LNPEP: variants seen among roughly 807,000 people sequenced by gnomAD.
LNPEP encodes the protein leucyl-cystinyl aminopeptidase.
Under a neutral mutation model 120.6 loss-of-function variants are expected in LNPEP, and 64 were observed. That is an observed-to-expected ratio of 0.53 (90% CI 0.43 to 0.65). The LOEUF (loss-of-function observed/expected upper bound fraction) is 0.65. Ranked by LOEUF, LNPEP falls within the 30% of genes least tolerant of loss-of-function variation. The pLI is 0.00. For synonymous variants in LNPEP, 435 were observed against 425.4 expected (o/e 1.02, Z -0.28); for missense variants, 1,057 against 1,200.0 (o/e 0.88, Z 1.76).
intron 8 of LNPEP, among the ~76,000 whole-genome samples, chr5:97,000,396 G>A (rs1211213619): frequency 1.3e-5 from 2 of 152,162 alleles, no homozygotes; most frequent in African/African-American, 4.8e-5. Flanking sequence ...CTGCTTGCAA[G>A]GTTGGCCCTT....
At chr5:97,005,659 G>A (rs1183159412) in intron 9 of LNPEP, among the ~76,000 whole-genome samples, 1 of 152,194 alleles carries the variant, frequency 6.6e-6, no homozygotes, top group African/African-American at 2.4e-5. Context: ...GGATTGAGTA[G>A]CAGTGTTTCT....
At position 96,979,205 on chromosome 5, in the gene LNPEP, T is replaced by C. The variant is rs1348740429; in HGVS notation, c.87T>C (p.Asp29=). 6.2e-7 allele frequency: 1 copy of C among 1,613,862 alleles called. No individual in the cohort carries two copies. Among genetic ancestry groups the C allele is most frequent in the Admixed American group, 1.7e-5 (1 of 59,994 alleles). ...SMFEEEPDVV[D]LAKEPCLHPL... is the part of the protein sequence containing the mutation. ...TTGAGGAAGAACCAGATGTGGTGGA[T>C]TTAGCCAAAGAGCCTTGTTTACATC... The change falls in exon 2 of 18, where the codon GAT becomes GAC. Residue 29 remains aspartate (D), a synonymous_variant. Coordinates refer to ENST00000231368, the MANE Select transcript of LNPEP (RefSeq NM_005575.3).
chr5:97,024,420 A>G (rs1791289371), intron 14 of LNPEP, 101 bp from the exon 15 acceptor site: 1 of 1,086,724 alleles, frequency 9.2e-7, no homozygotes, highest in Admixed American at 2.2e-5. Context: ...ACTTGTTATT[A>G]TTACCAACCC....
intron 8 of LNPEP, among the ~76,000 whole-genome samples, chr5:96,998,346 AG>A (rs1401060051): frequency 2.6e-5 from 4 of 152,074 alleles, no homozygotes; most frequent in Non-Finnish European, 5.9e-5. Context: ...CTCTAACTTA[AG>A]TTGTATGACT....
rs888368645 is a variant in LNPEP at position 97,031,048 on chromosome 5, G to T, written c.*2515G>T. On this transcript the variant is annotated 3_prime_UTR_variant, in exon 18 of 18. Coordinates refer to ENST00000231368, the MANE Select transcript of LNPEP (RefSeq NM_005575.3). ...TAGCCAGTGTATTTCTGAGAACTCA[G>T]ACTGAAGCACAGAAGTCACAGTATG... The T allele has an allele frequency of 2.6e-5, 4 of 152,022 alleles. No homozygotes were observed. The East Asian group carries it at 7.7e-4, about 29-fold the overall frequency. 9.4% of individuals were successfully genotyped at this position (152,022 alleles called of 1,614,324 possible).
intron 4 of LNPEP, among the ~76,000 whole-genome samples, chr5:96,991,901 T>C (rs1305749754): frequency 6.6e-6 from 1 of 152,228 alleles, no homozygotes; most frequent in Non-Finnish European, 1.5e-5. Context: ...TTCCAAATTA[T>C]GAATTGTTCA....
intron 4 of LNPEP, among the ~76,000 whole-genome samples, chr5:96,990,686 A>G (rs900813913): frequency 1.3e-5 from 2 of 152,192 alleles, no homozygotes; most frequent in African/African-American, 4.8e-5. Flanking sequence ...AAGGTTAACT[A>G]GCCTGCTTAA....
At chr5:96,952,456 G>C (rs769292349) in intron 1 of LNPEP, among the ~76,000 whole-genome samples, 2 of 152,160 alleles carry the variant, frequency 1.3e-5, no homozygotes, top group African/African-American at 4.8e-5. Context: ...TTAATCTTGC[G>C]TTTTTCAGGA....
intron 1 of LNPEP, among the ~76,000 whole-genome samples, chr5:96,976,921 A>G (rs972387204): frequency 2.3e-5 from 1 of 44,084 alleles, no homozygotes; most frequent in Admixed American, 3.2e-4. Flanking sequence ...TCAAAACAGA[A>G]CATACTTTTT....
chr5:96,963,855 A>G (rs1353861337), intron 1 of LNPEP, among the ~76,000 whole-genome samples: 3 of 152,184 alleles, frequency 2.0e-5, no homozygotes, highest in African/African-American at 7.2e-5. Context: ...GTAAGGTAGT[A>G]TATTGATCAC....
At chr5:97,005,350 C>A (rs1790754353) in intron 9 of LNPEP, among the ~76,000 whole-genome samples, 1 of 152,064 alleles carries the variant, frequency 6.6e-6, no homozygotes, top group Non-Finnish European at 1.5e-5. Context: ...AAAATTGCTT[C>A]TTAGTTATTG....
At chr5:96,946,325 CA>C (rs1789185645) in intron 1 of LNPEP, among the ~76,000 whole-genome samples, 1 of 152,190 alleles carries the variant, frequency 6.6e-6, no homozygotes, top group Admixed American at 6.5e-5. Context: ...GGCTTGGTAG[CA>C]TTCCACTTGT....
intron 1 of LNPEP, among the ~76,000 whole-genome samples, chr5:96,974,902 T>G (rs1343455081): frequency 1.3e-5 from 2 of 152,112 alleles, no homozygotes; most frequent in African/African-American, 2.4e-5. Flanking sequence ...GCTGACCTTC[T>G]TCCTCTGGCC....
At chr5:96,964,359 A>G (rs1486128643) in intron 1 of LNPEP, among the ~76,000 whole-genome samples, 3 of 151,686 alleles carry the variant, frequency 2.0e-5, no homozygotes, top group African/African-American at 4.8e-5. Context: ...AAAATAAAAT[A>G]TAGATAATAT....
Position 97,028,691 on chromosome 5 carries a change from C to A in LNPEP, c.*158C>A. ...TCAGGGCCTGACTGTATTTTTCATC[C>A]ATCTTTTCTGAAGTGTCTTTGGGCA... On this transcript the variant is annotated 3_prime_UTR_variant, in exon 18 of 18. Transcript: ENST00000231368. 1.5e-6 allele frequency: 1 copy of A among 670,788 alleles called. No individual in the cohort carries two copies. Among genetic ancestry groups the A allele is most frequent in the Non-Finnish European group, 2.5e-6 (1 of 397,168 alleles). 41.6% of individuals were successfully genotyped at this position (670,788 alleles called of 1,614,324 possible). A position where few individuals can be genotyped will look rare whatever the true frequency, so the allele number is the denominator to read the frequency against.
rs374196410 is a variant in LNPEP, at chr5:96,948,839, C to A, written c.19+12665C>A. ...TTTGGAGATCTATTTATAAATCTAC[C>A]TTATTTTGTTGACTACTGTATAGTA... is the stretch of plus-strand genomic sequence containing the variant. On this transcript the variant is annotated intron_variant, in intron 1 of 17. Coordinates refer to ENST00000231368, the MANE Select transcript of LNPEP (RefSeq NM_005575.3). Among the ~76,000 whole-genome samples the A allele has an allele frequency of 1.6e-4, 24 of 151,852 alleles. No homozygotes were observed. The East Asian group carries it at 4.1e-3, about 26-fold the overall frequency.
At chr5:96,993,246 A>G in intron 5 of LNPEP, 111 bp downstream of exon 5, 1 of 690,010 alleles carries the variant, frequency 1.4e-6, no homozygotes, top group Admixed American at 3.3e-5. Context: ...AAAACCAAAA[A>G]CCATTATTAA....
chr5:96,977,799 T>C (rs1790036094), intron 1 of LNPEP, among the ~76,000 whole-genome samples: 15 of 152,188 alleles, frequency 9.9e-5, no homozygotes, highest in Admixed American at 9.8e-4. Flanking sequence ...GATGGTGAAA[T>C]AATACTCTTA....
chr5:97,004,108 C>G (rs547539767), intron 9 of LNPEP, among the ~76,000 whole-genome samples: 1 of 152,322 alleles, frequency 6.6e-6, no homozygotes, highest in East Asian at 1.9e-4. Context: ...AGTTACACTT[C>G]AAAGCAGCAC....
Sources: gnomAD v4.1 joint callset for allele counts (sites outside exome capture counted in the v4.1 genomes callset) on GRCh38, gnomAD v4.1.1 for gene constraint, MANE v1.5 for transcripts, NCBI Gene and HGNC (gene_info 2026-07-23, HGNC 2026-07-21) for gene names.